The following PBRM1 variants were observed in gnomAD, a reference collection of about 807,000 sequenced individuals.
The protein encoded by PBRM1 is polybromo 1, also known as protein polybromo-1.
Under a neutral mutation model 194.5 loss-of-function variants are expected in PBRM1, and 27 were observed. The ratio of observed to expected loss-of-function variants is 0.14; its 90% confidence interval spans 0.10 to 0.19. PBRM1 has a LOEUF of 0.19. Ranked by LOEUF, PBRM1 falls within the 10% of genes least tolerant of loss-of-function variation. PBRM1 has a pLI of 1.00. For synonymous variants in PBRM1, 655 were observed against 693.2 expected (o/e 0.94, Z 0.87); for missense variants, 1,466 against 2,077.2 (o/e 0.71, Z 5.72).
At chr3:52,665,766 G>A (rs971923095) in intron 3 of PBRM1, among the ~76,000 whole-genome samples, 7 of 152,174 alleles carry the variant, frequency 4.6e-5, no homozygotes, top group Admixed American at 2.0e-4. Flanking sequence ...GTCCATGGAA[G>A]AATTGTCTTC....
chr3:52,550,570 G>C (rs1433971214), exon 29 of PBRM1: 1 of 1,543,330 alleles, frequency 6.5e-7, no homozygotes, highest in African/African-American at 1.4e-5. Flanking sequence ...TATGACAGGG[G>C]GTCCAGCTGG....
chr3:52,562,159 A>T (rs1575619086), intron 24 of PBRM1, among the ~76,000 whole-genome samples, 191 bp from the exon 27 acceptor site: 1 of 50,948 alleles, frequency 2.0e-5, no homozygotes. Flanking sequence ...GTTTCTACTA[A>T]AAAAAAAAAT....
intron 10 of PBRM1, among the ~76,000 whole-genome samples, chr3:52,641,457 A>AG (rs1380474268): frequency 6.7e-6 from 1 of 148,172 alleles, no homozygotes; most frequent in Non-Finnish European, 1.5e-5. Flanking sequence ...AAAAAAAAAA[A>AG]AAAAAAGAAA....
exon 24 of PBRM1, chr3:52,563,380 C>G (rs545777783): frequency 6.2e-7 from 1 of 1,613,944 alleles, no homozygotes; most frequent in South Asian, 1.1e-5. Context: ...ATCTTCTTCT[C>G]CCATCTCTTC....
At chr3:52,655,705 T>C (rs942462259) in intron 5 of PBRM1, among the ~76,000 whole-genome samples, 2 of 152,226 alleles carry the variant, frequency 1.3e-5, no homozygotes, top group Admixed American at 1.3e-4. Context: ...TACATCTTTC[T>C]AGTAAGATTC....
intron 17 of PBRM1, among the ~76,000 whole-genome samples, chr3:52,599,908 T>A (rs2093867714): frequency 1.3e-5 from 2 of 152,096 alleles, no homozygotes; most frequent in African/African-American, 4.8e-5. Flanking sequence ...TAACATTTCA[T>A]GGATGTATTA....
At chr3:52,672,934 A>C (rs897946780) in intron 2 of PBRM1, among the ~76,000 whole-genome samples, 1 of 152,168 alleles carries the variant, frequency 6.6e-6, no homozygotes, top group Non-Finnish European at 1.5e-5. Flanking sequence ...GATCCCTTTT[A>C]ACTATCACTG....
At chr3:52,597,509 G>C (rs1222531245) in intron 17 of PBRM1, among the ~76,000 whole-genome samples, 1 of 152,190 alleles carries the variant, frequency 6.6e-6, no homozygotes, top group Admixed American at 6.5e-5. Context: ...TAAGGTTCTT[G>C]AGAATTTTAT....
intron 15 of PBRM1, among the ~76,000 whole-genome samples, chr3:52,613,602 C>T (rs532473697): frequency 3.3e-5 from 5 of 152,082 alleles, no homozygotes; most frequent in Admixed American, 6.5e-5. Flanking sequence ...CCTTGGCCTC[C>T]GAACGCACTG....
In PBRM1 at chr3:52,678,606, T is replaced by A. The variant is rs2097152873; in HGVS notation, c.139-9A>T. ...TCATGGCACACGGCAATCTACACAT[T>A]AGCAAAGGAGAAAAAAATCACTAAA... On this transcript the variant is annotated splice_polypyrimidine_tract_variant and intron_variant, in intron 1 of 29. Transcript: ENST00000296302. The A allele has an allele frequency of 6.4e-7, 1 of 1,561,694 alleles. No individual in the cohort carries two copies. The highest frequency in any genetic ancestry group is 1.1e-5 in the South Asian group (1 of 89,542).
rs971862784 is a variant in PBRM1 at position 52,634,587 on chromosome 3, T to C, written c.1301+15A>G. 8 of 1,478,776 alleles carry C rather than the reference T, an allele frequency of 5.4e-6. No homozygotes were observed. The African/African-American group carries it at 8.4e-5, about 16-fold the overall frequency. 91.6% of individuals were successfully genotyped at this position (1,478,776 alleles called of 1,614,324 possible). ...CAAAATAAAATTATACTGAATAATG[T>C]AGAAGACATCTTACCGGATCTGTTG... On this transcript the variant is annotated intron_variant, in intron 11 of 29. Coordinates refer to ENST00000296302, the Ensembl canonical transcript of PBRM1.
intron 17 of PBRM1, among the ~76,000 whole-genome samples, chr3:52,590,447 C>G (rs190543167): frequency 3.8e-4 from 58 of 150,872 alleles, no homozygotes; most frequent in Non-Finnish European, 2.9e-5. Context: ...CAGAGCAATA[C>G]TCCATTTCAA....
intron 13 of PBRM1, among the ~76,000 whole-genome samples, chr3:52,618,247 C>T (rs554352292): frequency 6.6e-6 from 1 of 152,248 alleles, no homozygotes; most frequent in African/African-American, 2.4e-5. Flanking sequence ...CCAAATTCCC[C>T]CAGTGAGATG....
chr3:52,654,510 G>A (rs186319125), intron 5 of PBRM1, among the ~76,000 whole-genome samples: 18 of 152,236 alleles, frequency 1.2e-4, no homozygotes, highest in Non-Finnish European at 2.5e-4. Flanking sequence ...CTAAGGAAAG[G>A]TGAAAACTGT....
chr3:52,646,178 C>T (rs1299222262), intron 7 of PBRM1, among the ~76,000 whole-genome samples: 1 of 152,092 alleles, frequency 6.6e-6, no homozygotes, highest in Non-Finnish European at 1.5e-5. Context: ...TAGTTCATTC[C>T]TGATTTTCTC....
chr3:52,562,319 T>G (rs2083799598), intron 24 of PBRM1, among the ~76,000 whole-genome samples: 2 of 97,234 alleles, frequency 2.1e-5, no homozygotes, highest in African/African-American at 8.9e-5. Context: ...AGAGCAAGAC[T>G]CTGTCTCAAA....
chr3:52,675,314 G>T (rs563974094), intron 2 of PBRM1, among the ~76,000 whole-genome samples: 13 of 152,296 alleles, frequency 8.5e-5, no homozygotes, highest in Admixed American at 3.3e-4. Flanking sequence ...CAAGCCTTAT[G>T]AAACTTTTCC....
At chr3:52,599,913 G>A (rs4687636) in intron 17 of PBRM1, among the ~76,000 whole-genome samples, 51,373 of 151,702 alleles carry the variant, frequency 0.34, 9,705 homozygotes, top group Admixed American at 0.46. Flanking sequence ...TTTCATGGAT[G>A]TATTATTTTT....
intron 21 of PBRM1, 54 bp downstream of exon 23, chr3:52,579,000 T>G: frequency 6.4e-7 from 1 of 1,574,458 alleles, no homozygotes; most frequent in Non-Finnish European, 8.7e-7. Flanking sequence ...TAATTTCTAC[T>G]GGTTCCAAAT....
Sources: allele counts gnomAD v4.1 joint callset (sites outside exome capture counted in the v4.1 genomes callset), GRCh38; gene constraint gnomAD v4.1.1; transcripts MANE v1.5; gene names NCBI Gene and HGNC (gene_info 2026-07-23, HGNC 2026-07-21).